ST6GALNAC3: variants seen among roughly 807,000 people sequenced by gnomAD.
ST6GALNAC3 encodes alpha-N-acetylgalactosaminide alpha-2,6-sialyltransferase 3.
ST6GALNAC3 carries 25 observed loss-of-function variants against 32.7 expected under a neutral mutation model. The observed-to-expected ratio is 0.76, with a 90% CI of 0.56 to 1.07. The LOEUF (loss-of-function observed/expected upper bound fraction) is 1.07, where lower values mean the gene tolerates loss of function less well. Among genes scored for constraint, ST6GALNAC3 ranks in the 50% least tolerant of loss-of-function variants. ST6GALNAC3 has a pLI of 0.00. For missense variants in ST6GALNAC3, 355 were observed against 382.4 expected (o/e 0.93, Z 0.60); for synonymous variants, 129 against 133.1 (o/e 0.97, Z 0.21).
At chr1:76,303,487 A>C (rs549389160) in intron 1 of ST6GALNAC3, among the ~76,000 whole-genome samples, 225 of 152,118 alleles carry the variant, frequency 1.5e-3, no homozygotes, top group Non-Finnish European at 2.9e-3. Flanking sequence ...TAACTTGACC[A>C]CCTGAGTCTA....
At position 76,226,505 on chromosome 1, in the gene ST6GALNAC3, T is replaced by C. The variant is rs145688308; in HGVS notation, c.19-87300T>C. ...CTGGTGTATTAGTCCATTCTTGCAT[T>C]GCTATCAAGAAATGCCTGAGAGTGG... On this transcript the variant is annotated intron_variant, in intron 1 of 4. Transcript: ENST00000328299. 2.2e-3 allele frequency among the ~76,000 whole-genome samples: 331 copies of C among 152,342 alleles called. 3 individuals are homozygous for C. The Middle Eastern group carries it at 0.027, about 13-fold the overall frequency.
chr1:76,274,597 T>C (rs1659032226), intron 1 of ST6GALNAC3, among the ~76,000 whole-genome samples: 1 of 152,144 alleles, frequency 6.6e-6, no homozygotes, highest in Non-Finnish European at 1.5e-5. Context: ...CTTCAATCAA[T>C]ACAAGAATGT....
intron 1 of ST6GALNAC3, among the ~76,000 whole-genome samples, chr1:76,260,656 G>A (rs944032248): frequency 4.6e-5 from 7 of 152,086 alleles, no homozygotes; most frequent in African/African-American, 1.4e-4. Context: ...TAACCACTTT[G>A]CTATACTTCC....
At chr1:76,480,231 A>G (rs1175276252) in intron 3 of ST6GALNAC3, among the ~76,000 whole-genome samples, 3 of 152,250 alleles carry the variant, frequency 2.0e-5, no homozygotes, top group Admixed American at 2.0e-4. Flanking sequence ...AAGAGTTATC[A>G]CTATCAATAA....
At chr1:76,461,380 TA>T (rs1031925854) in intron 3 of ST6GALNAC3, among the ~76,000 whole-genome samples, 55 of 152,336 alleles carry the variant, frequency 3.6e-4, no homozygotes, top group African/African-American at 1.2e-3. Flanking sequence ...TATACATCTC[TA>T]AGTAATTATA....
intron 3 of ST6GALNAC3, among the ~76,000 whole-genome samples, chr1:76,615,567 C>A (rs1013351982): frequency 2.0e-5 from 3 of 152,194 alleles, no homozygotes; most frequent in Admixed American, 2.0e-4. Context: ...GGAGGATCTC[C>A]TCGGCTATTT....
At chr1:76,119,270 G>A (rs1648698194) in intron 1 of ST6GALNAC3, among the ~76,000 whole-genome samples, 1 of 152,196 alleles carries the variant, frequency 6.6e-6, no homozygotes, top group African/African-American at 2.4e-5. Flanking sequence ...ATCAACCACA[G>A]AATCCAAGTT....
chr1:76,631,148 G>C lies in ST6GALNAC3; in HGVS notation c.*2342G>C. 1.6e-5 allele frequency: 8 copies of C among 511,852 alleles called. No homozygotes were observed. The highest frequency in any genetic ancestry group is 2.0e-5 in the Non-Finnish European group (8 of 397,920). 31.7% of individuals were successfully genotyped at this position (511,852 alleles called of 1,614,324 possible). A position where few individuals can be genotyped will look rare whatever the true frequency, so the allele number is the denominator to read the frequency against. Reference sequence around the variant, plus strand: ...GCAGAAGGTGTGTGTGGAATATGTAGACTCCAGTGTTTTCTTAGGAGGGGT... The same window carrying C: ...GCAGAAGGTGTGTGTGGAATATGTACACTCCAGTGTTTTCTTAGGAGGGGT... On this transcript the variant is annotated 3_prime_UTR_variant, in exon 5 of 5. Coordinates refer to ENST00000328299, the MANE Select transcript of ST6GALNAC3 (RefSeq NM_152996.4).
chr1:76,115,979 G>C lies in ST6GALNAC3; in HGVS notation c.18+41095G>C, dbSNP rs142316451. Among the ~76,000 whole-genome samples, 315 of 152,272 alleles carry C rather than the reference G, an allele frequency of 2.1e-3. 7 individuals carry two copies. Among genetic ancestry groups the C allele is most frequent in the African/African-American group, 7.3e-3 (305 of 41,554 alleles). Reference sequence around the variant, plus strand: ...GTACTATGGAATTACATACAAACTGGAGAGATAGGCTCTGCTCTCATTAAG... The same window carrying C: ...GTACTATGGAATTACATACAAACTGCAGAGATAGGCTCTGCTCTCATTAAG... On this transcript the variant is annotated intron_variant, in intron 1 of 4. Transcript: ENST00000328299.
intron 2 of ST6GALNAC3, among the ~76,000 whole-genome samples, chr1:76,316,451 A>G (rs1263442960): frequency 2.0e-5 from 3 of 152,156 alleles, no homozygotes; most frequent in Admixed American, 6.6e-5. Context: ...AGCAATGGCG[A>G]TGAAGAAACT....
intron 3 of ST6GALNAC3, among the ~76,000 whole-genome samples, chr1:76,494,318 C>G (rs916420858): frequency 1.3e-5 from 2 of 150,666 alleles, no homozygotes; most frequent in African/African-American, 4.9e-5. Context: ...TTTACTAAGT[C>G]TCTTAAGTTT....
At chr1:76,419,955 T>TG (rs1553194560) in intron 3 of ST6GALNAC3, among the ~76,000 whole-genome samples, 3 of 151,332 alleles carry the variant, frequency 2.0e-5, no homozygotes, top group Non-Finnish European at 4.4e-5. Context: ...TTTTTTTTTT[T>TG]TTTGTTTGTT....
At chr1:76,325,045 T>C (rs949779233) in intron 2 of ST6GALNAC3, among the ~76,000 whole-genome samples, 2 of 152,180 alleles carry the variant, frequency 1.3e-5, no homozygotes, top group African/African-American at 4.8e-5. Context: ...TAGGTGGGAA[T>C]TGAACAATGA....
At chr1:76,572,718 C>T (rs184239574) in intron 3 of ST6GALNAC3, among the ~76,000 whole-genome samples, 310 of 152,182 alleles carry the variant, frequency 2.0e-3, no homozygotes, top group African/African-American at 7.2e-3. Context: ...TGGAATAAGC[C>T]ACCTGTTCTT....
chr1:76,270,014 T>C (rs1296261156), intron 1 of ST6GALNAC3, among the ~76,000 whole-genome samples: 1 of 152,214 alleles, frequency 6.6e-6, no homozygotes, highest in Admixed American at 6.5e-5. Context: ...AGAGCTGTTA[T>C]CATTCTGGAT....
intron 3 of ST6GALNAC3, among the ~76,000 whole-genome samples, chr1:76,416,034 A>AACACACACACACACACAC (rs60710007): frequency 1.9e-4 from 28 of 144,426 alleles, no homozygotes; most frequent in African/African-American, 6.9e-4. Flanking sequence ...TTTATTCCAC[A>AACACACACACACACACAC]ACACACACAC....
At chr1:76,542,122 C>T (rs954971328) in intron 3 of ST6GALNAC3, among the ~76,000 whole-genome samples, 7 of 152,056 alleles carry the variant, frequency 4.6e-5, no homozygotes, top group African/African-American at 7.2e-5. Context: ...AAAAAAATGC[C>T]CACAGAAGTT....
intron 3 of ST6GALNAC3, among the ~76,000 whole-genome samples, chr1:76,470,675 G>C (rs549901482): frequency 6.6e-6 from 1 of 152,116 alleles, no homozygotes; most frequent in Non-Finnish European, 1.5e-5. Flanking sequence ...TTTTCCCCTG[G>C]AGTTTGGATA....
intron 3 of ST6GALNAC3, among the ~76,000 whole-genome samples, chr1:76,507,154 G>A (rs1230245848): frequency 3.3e-5 from 5 of 152,144 alleles, no homozygotes; most frequent in Admixed American, 3.3e-4. Context: ...AACTTGGAGG[G>A]AGAGGTCGCT....
Sources: allele counts gnomAD v4.1 joint callset (sites outside exome capture counted in the v4.1 genomes callset), GRCh38; gene constraint gnomAD v4.1.1; transcripts MANE v1.5; gene names NCBI Gene and HGNC (gene_info 2026-07-23, HGNC 2026-07-21).